The following CPXM2 variants were observed in gnomAD, a reference collection of about 807,000 sequenced individuals.
CPXM2 encodes carboxypeptidase X, M14 family member 2.
A neutral mutation model predicts 86.1 loss-of-function variants in CPXM2; 66 were observed. That is an observed-to-expected ratio of 0.77 (90% confidence interval 0.63 to 0.94). CPXM2 has a LOEUF of 0.94. CPXM2 is among the 40% of genes least tolerant of loss of function. The pLI is 0.00. For missense variants in CPXM2, 948 were observed against 1,026.3 expected (o/e 0.92, Z 1.04); for synonymous variants, 388 against 400.2 (o/e 0.97, Z 0.36).
At chr10:123,843,120 C>CTTTTT in intron 3 of CPXM2, 1 of 276,162 alleles carries the variant, frequency 3.6e-6, no homozygotes, top group Non-Finnish European at 7.0e-6. Context: ...ACCAAAAATT[C>CTTTTT]TTTTTTTTTT....
intron 4 of CPXM2, among the ~76,000 whole-genome samples, chr10:123,820,411 A>C (rs1406187904): frequency 6.6e-6 from 1 of 152,116 alleles, no homozygotes; most frequent in Non-Finnish European, 1.5e-5. Flanking sequence ...GCTCATCTCC[A>C]TTCCTGCCCC....
chr10:123,756,322 G>A (rs1393512581), intron 12 of CPXM2, among the ~76,000 whole-genome samples: 1 of 152,176 alleles, frequency 6.6e-6, no homozygotes, highest in Admixed American at 6.5e-5. Flanking sequence ...TCCTTAGTGG[G>A]GCCCGGATAC....
chr10:123,842,290 G>T, intron 4 of CPXM2, 59 bp downstream of exon 4: 2 of 1,606,896 alleles, frequency 1.2e-6, no homozygotes, highest in Non-Finnish European at 1.7e-6. Flanking sequence ...TGTCTGTCCA[G>T]ACCCTCAAAA....
chr10:123,776,710 C>G (rs1211959086), intron 7 of CPXM2: 1 of 152,096 alleles, frequency 6.6e-6, no homozygotes, highest in Non-Finnish European at 1.5e-5. Flanking sequence ...AAACACAGGG[C>G]CAAGATGTAA....
intron 1 of CPXM2, among the ~76,000 whole-genome samples, chr10:123,890,482 G>A (rs762312970): frequency 2.1e-4 from 32 of 152,178 alleles, no homozygotes; most frequent in Non-Finnish European, 4.0e-4. Flanking sequence ...GGTGGCACCC[G>A]CACGTATCTC....
chr10:123,889,225 TAGGG>T (rs1001438107), intron 1 of CPXM2, among the ~76,000 whole-genome samples: 9 of 152,300 alleles, frequency 5.9e-5, no homozygotes, highest in African/African-American at 2.2e-4. Context: ...ATGTGTTTTG[TAGGG>T]AAAGAAACCT....
chr10:123,940,765 T>C (rs11493075), upstream of CPXM2, among the ~76,000 whole-genome samples: 43,452 of 152,080 alleles, frequency 0.29, 6,509 homozygotes, highest in Middle Eastern at 0.37. Flanking sequence ...GGTGGGGCCC[T>C]CAAAGCCACA....
At chr10:123,939,771 C>A (rs1166139041) in intron 1 of CPXM2, among the ~76,000 whole-genome samples, 4 of 152,156 alleles carry the variant, frequency 2.6e-5, no homozygotes, top group Non-Finnish European at 5.9e-5. Flanking sequence ...CCCAAGGCAT[C>A]AGTCTGCCAT....
rs73364736 is a variant in CPXM2 at position 123,779,059 on chromosome 10, A to G, written c.978+1108T>C. Among the ~76,000 whole-genome samples, 783 of 152,308 alleles carry G rather than the reference A, an allele frequency of 5.1e-3. 4 individuals carry two copies. Among genetic ancestry groups the G allele is most frequent in the African/African-American group, 0.018 (748 of 41,568 alleles). On this transcript the variant is annotated intron_variant, in intron 7 of 13. Transcript: ENST00000241305. The stretch of plus-strand genomic sequence containing the variant: ...CTCTGACCTCAGAAACATCTTCCAC[A>G]TTTGTAGTGGATGGCTGCTCCCCTC...
chr10:123,927,788 G>A (rs1423898125), intron 2 of CPXM2, among the ~76,000 whole-genome samples: 4 of 152,212 alleles, frequency 2.6e-5, no homozygotes, highest in African/African-American at 4.8e-5. Context: ...AATGGGTCAC[G>A]TTCATAATTT....
At chr10:123,773,048 C>T (rs1846686105) in intron 7 of CPXM2, among the ~76,000 whole-genome samples, 1 of 151,736 alleles carries the variant, frequency 6.6e-6, no homozygotes, top group Non-Finnish European at 1.5e-5. Context: ...GTCATCATTC[C>T]CCTGGTTGTG....
chr10:123,912,437 C>A (rs1416995092), intron 2 of CPXM2, among the ~76,000 whole-genome samples: 4 of 152,160 alleles, frequency 2.6e-5, no homozygotes, highest in African/African-American at 4.8e-5. Context: ...ATGAGAGAGG[C>A]AGCAGAGGCT....
At chr10:123,895,110 T>C (rs1255482126), upstream of CPXM2, among the ~76,000 whole-genome samples, 2 of 116,794 alleles carry the variant, frequency 1.7e-5, no homozygotes, top group African/African-American at 5.7e-5. Flanking sequence ...TCTTTTTTTT[T>C]TCTTTTTTTT....
At position 123,845,912 on chromosome 10, in the gene CPXM2, T is replaced by C. The variant is rs145293442; in HGVS notation, c.514-3424A>G. Among the ~76,000 whole-genome samples the C allele has an allele frequency of 5.7e-3, 872 of 152,304 alleles. 11 individuals carry two copies. The highest frequency in any genetic ancestry group is 0.02 in the African/African-American group (842 of 41,568). The stretch of plus-strand genomic sequence containing the variant: ...ATAGCAGCATCTGAAGCTAGAAGAA[T>C]GGAGGGATGGTGCTTTCAAAGTTCA... On this transcript the variant is annotated intron_variant, in intron 3 of 13. Coordinates refer to ENST00000241305, the MANE Select transcript of CPXM2 (RefSeq NM_198148.3).
chr10:123,845,066 C>CAAA (rs61013140), intron 3 of CPXM2, among the ~76,000 whole-genome samples: 2 of 90,090 alleles, frequency 2.2e-5, no homozygotes, highest in Non-Finnish European at 4.6e-5. Flanking sequence ...GACTCAGTCT[C>CAAA]AAAAAAAAAA....
intron 3 of CPXM2, among the ~76,000 whole-genome samples, chr10:123,851,069 T>C (rs1261126466): frequency 6.6e-6 from 1 of 152,224 alleles, no homozygotes; most frequent in Non-Finnish European, 1.5e-5. Flanking sequence ...ATTGCGGCTT[T>C]CATTTGTATT....
chr10:123,768,480 C>A, intron 9 of CPXM2, 46 bp downstream of exon 9: 2 of 1,513,836 alleles, frequency 1.3e-6, no homozygotes, highest in Admixed American at 1.8e-5. Context: ...GGAGCTGGGG[C>A]CTCGCTGCCC....
At chr10:123,881,777 C>T (rs1386676976) in intron 1 of CPXM2, among the ~76,000 whole-genome samples, 2 of 152,118 alleles carry the variant, frequency 1.3e-5, no homozygotes, top group Non-Finnish European at 2.9e-5. Context: ...GCAGCCACAC[C>T]GCAGGTCTGC....
At chr10:123,781,390 CAAG>C (rs1846930338) in intron 6 of CPXM2, among the ~76,000 whole-genome samples, 1 of 152,274 alleles carries the variant, frequency 6.6e-6, no homozygotes, top group East Asian at 1.9e-4. Context: ...GGAGCAAGAA[CAAG>C]AAGGAGGGCA....
Sources: gnomAD v4.1 joint callset for allele counts (sites outside exome capture counted in the v4.1 genomes callset) on GRCh38, gnomAD v4.1.1 for gene constraint, MANE v1.5 for transcripts, NCBI Gene and HGNC (gene_info 2026-07-23, HGNC 2026-07-21) for gene names.